Variants in SLC25A21 observed in about 807,000 individuals in gnomAD.
SLC25A21 encodes solute carrier family 25 member 21, also known as mitochondrial 2-oxodicarboxylate carrier.
Under a neutral mutation model 43.8 loss-of-function variants are expected in SLC25A21, and 47 were observed. The ratio of observed to expected loss-of-function variants is 1.07; its 90% CI spans 0.85 to 1.37. The LOEUF (loss-of-function observed/expected upper bound fraction) is 1.37. Ranked by LOEUF, SLC25A21 falls within the 40% of genes most tolerant of loss-of-function variation. The pLI is 0.00. For synonymous variants in SLC25A21, 131 were observed against 121.3 expected (o/e 1.08, Z -0.52); for missense variants, 352 against 350.2 (o/e 1.00, Z -0.04).
intron 3 of SLC25A21, among the ~76,000 whole-genome samples, chr14:36,794,313 C>T (rs2138407149): frequency 6.9e-6 from 1 of 144,798 alleles, no homozygotes; most frequent in Non-Finnish European, 1.5e-5. Flanking sequence ...AAAATTAACT[C>T]TCACTTTATT....
chr14:36,991,409 T>C (rs1333716494), intron 1 of SLC25A21, among the ~76,000 whole-genome samples: 1 of 152,174 alleles, frequency 6.6e-6, no homozygotes, highest in Non-Finnish European at 1.5e-5. Context: ...GGACCTGCTG[T>C]TGCCTGGAGA....
intron 1 of SLC25A21, among the ~76,000 whole-genome samples, chr14:36,956,317 A>C (rs1446727400): frequency 6.6e-6 from 1 of 152,218 alleles, no homozygotes; most frequent in Non-Finnish European, 1.5e-5. Context: ...ATTTATGTGA[A>C]GCTGGTTAAA....
intron 1 of SLC25A21, among the ~76,000 whole-genome samples, chr14:37,141,152 G>GA (rs147902935): frequency 0.039 from 5,892 of 150,108 alleles, 336 homozygotes; most frequent in East Asian, 0.26. Flanking sequence ...CTCAAAAAAA[G>GA]AAAAAAAAAT....
At chr14:36,758,879 G>C (rs1886035928) in intron 3 of SLC25A21, among the ~76,000 whole-genome samples, 1 of 152,208 alleles carries the variant, frequency 6.6e-6, no homozygotes, top group Non-Finnish European at 1.5e-5. Flanking sequence ...TCAAGTGTGA[G>C]TTACATTGAG....
chr14:37,042,721 A>C (rs1426954028), intron 1 of SLC25A21, among the ~76,000 whole-genome samples: 6 of 152,236 alleles, frequency 3.9e-5, no homozygotes, highest in Non-Finnish European at 8.8e-5. Context: ...AGTCTTTGGG[A>C]AAACATACCT....
chr14:36,958,695 A>G lies in SLC25A21; in HGVS notation c.71-83691T>C, dbSNP rs913723475. Among the ~76,000 whole-genome samples the G allele has an allele frequency of 4.6e-5, 7 of 151,830 alleles. No homozygotes were observed. The South Asian group carries it at 6.2e-4, about 14-fold the overall frequency. On this transcript the variant is annotated intron_variant, in intron 1 of 9. Transcript: ENST00000331299. ...AGCACACGTGCACACACACACACAC[A>G]CACACACACACACACACACACACAT...
At chr14:37,085,926 A>G (rs1482325423) in intron 1 of SLC25A21, among the ~76,000 whole-genome samples, 3 of 152,106 alleles carry the variant, frequency 2.0e-5, no homozygotes, top group Non-Finnish European at 4.4e-5. Context: ...TAACACGGTG[A>G]AACCCCATCT....
rs778946635 is a variant in SLC25A21, at chr14:36,684,738, T to C, written c.785+6A>G. 5.0e-6 allele frequency: 8 copies of C among 1,600,664 alleles called. No homozygotes were observed. The highest frequency in any genetic ancestry group is 2.3e-5 in the South Asian group (2 of 88,516). ...CATTTATTAAAATAAGAATGTGTTA[T>C]GTTACCCTTCTTCCTGATAGACTGT... On this transcript the variant is annotated splice_donor_region_variant and intron_variant, in intron 8 of 9. Coordinates refer to ENST00000331299, the MANE Select transcript of SLC25A21 (RefSeq NM_030631.4).
chr14:37,120,092 A>G (rs1027352913), intron 1 of SLC25A21, among the ~76,000 whole-genome samples: 1 of 152,212 alleles, frequency 6.6e-6, no homozygotes, highest in African/African-American at 2.4e-5. Flanking sequence ...AATAATCATA[A>G]TATTTTTATA....
chr14:36,942,473 T>C (rs1295442678), intron 1 of SLC25A21, among the ~76,000 whole-genome samples: 1 of 152,124 alleles, frequency 6.6e-6, no homozygotes, highest in East Asian at 1.9e-4. Flanking sequence ...GAGAACACAT[T>C]TTAATTATTT....
intron 2 of SLC25A21, among the ~76,000 whole-genome samples, chr14:36,841,704 C>T (rs989339854): frequency 2.0e-5 from 3 of 152,150 alleles, no homozygotes; most frequent in South Asian, 2.1e-4. Context: ...TGCCCAAGAA[C>T]GTACGGTGGT....
chr14:36,795,727 C>T (rs1566621511), intron 3 of SLC25A21, among the ~76,000 whole-genome samples: 1 of 152,108 alleles, frequency 6.6e-6, no homozygotes, highest in Non-Finnish European at 1.5e-5. Context: ...TCCTTCCTTA[C>T]AAGGACAGGT....
At chr14:36,797,911 A>C in intron 3 of SLC25A21, among the ~76,000 whole-genome samples, 1 of 152,200 alleles carries the variant, frequency 6.6e-6, no homozygotes, top group East Asian at 1.9e-4. Flanking sequence ...TCCTCAATAA[A>C]CAGATATACT....
chr14:37,152,708 A>C (rs1186401715), intron 1 of SLC25A21, among the ~76,000 whole-genome samples: 2 of 152,212 alleles, frequency 1.3e-5, no homozygotes, highest in Non-Finnish European at 2.9e-5. Flanking sequence ...AAGAAGAAAA[A>C]AACTAAATAA....
chr14:36,729,589 C>G (rs746775752), intron 4 of SLC25A21, 23 bp from the exon 5 acceptor site: 3 of 1,593,546 alleles, frequency 1.9e-6, no homozygotes, highest in South Asian at 1.2e-5. Flanking sequence ...ACCAAACTCA[C>G]AGATTTATAA....
rs185993740 is a variant in SLC25A21 at position 36,712,349 on chromosome 14, C to T, written c.439-867G>A. On this transcript the variant is annotated intron_variant, in intron 6 of 9. Coordinates refer to ENST00000331299, the MANE Select transcript of SLC25A21 (RefSeq NM_030631.4). ...AGTTAACAGGGGAAACTGTTCAGTGCTTTTTTTTTTTTTCCACCCATGAGG... is the reference window on the plus strand; with the variant it reads ...AGTTAACAGGGGAAACTGTTCAGTGTTTTTTTTTTTTTTCCACCCATGAGG... Among the ~76,000 whole-genome samples the T allele has an allele frequency of 4.0e-3, 567 of 142,914 alleles. 1 individual carries two copies. Among genetic ancestry groups the T allele is most frequent in the African/African-American group, 6.5e-3 (257 of 39,434 alleles). 93.8% of individuals were successfully genotyped at this position (142,914 alleles called of 152,430 possible).
chr14:36,950,978 C>A (rs1468298403), intron 1 of SLC25A21, among the ~76,000 whole-genome samples: 1 of 152,030 alleles, frequency 6.6e-6, no homozygotes, highest in Non-Finnish European at 1.5e-5. Flanking sequence ...GAGCTCAAGG[C>A]TCTACACCCT....
At chr14:36,856,046 T>A (rs756148137) in intron 2 of SLC25A21, among the ~76,000 whole-genome samples, 1 of 152,088 alleles carries the variant, frequency 6.6e-6, no homozygotes, top group Non-Finnish European at 1.5e-5. Flanking sequence ...AAAGTGTCAA[T>A]AGAGTCGAGG....
chr14:37,098,259 C>G (rs1208043651), intron 1 of SLC25A21: 6 of 152,078 alleles, frequency 3.9e-5, no homozygotes, highest in African/African-American at 1.5e-4. Context: ...AATTAGAATG[C>G]CTAATTAATT....
Sources: allele counts gnomAD v4.1 joint callset (sites outside exome capture counted in the v4.1 genomes callset), GRCh38; gene constraint gnomAD v4.1.1; transcripts MANE v1.5; gene names NCBI Gene and HGNC (gene_info 2026-07-23, HGNC 2026-07-21).